The following ARHGEF3 variants were observed in gnomAD, a reference collection of about 807,000 sequenced individuals.
ARHGEF3 encodes Rho guanine nucleotide exchange factor 3, also known as 59.8 kDA protein.
A neutral mutation model predicts 63.2 loss-of-function variants in ARHGEF3; 28 were observed. The ratio of observed to expected loss-of-function variants is 0.44; its 90% CI spans 0.33 to 0.61. The LOEUF is 0.61. Ranked by LOEUF, ARHGEF3 falls within the 20% of genes least tolerant of loss-of-function variation. ARHGEF3 has a pLI of 0.03. For synonymous variants in ARHGEF3, 266 were observed against 254.2 expected, an observed-to-expected ratio of 1.05 and a Z score of -0.44; for missense variants, 533 against 659.3, an observed-to-expected ratio of 0.81 and a Z score of 2.10.
At chr3:56,991,979 T>A (rs1460333038) in intron 2 of ARHGEF3, among the ~76,000 whole-genome samples, 1 of 151,898 alleles carries the variant, frequency 6.6e-6, no homozygotes, top group Non-Finnish European at 1.5e-5. Context: ...ATAATATTTT[T>A]CCATAATTCA....
At chr3:56,961,152 G>GTAAA (rs1700262877) in intron 2 of ARHGEF3, among the ~76,000 whole-genome samples, 1 of 119,406 alleles carries the variant, frequency 8.4e-6, no homozygotes, top group Non-Finnish European at 1.9e-5. Context: ...ATGTTATAAT[G>GTAAA]TAAATACATG....
chr3:56,829,689 T>C (rs1410306386), intron 4 of ARHGEF3, among the ~76,000 whole-genome samples: 2 of 152,064 alleles, frequency 1.3e-5, no homozygotes, highest in South Asian at 2.1e-4. Flanking sequence ...CTTTAAATCT[T>C]TGGAATGCTG....
chr3:56,933,433 T>G (rs1332185982), intron 3 of ARHGEF3, among the ~76,000 whole-genome samples: 3 of 151,974 alleles, frequency 2.0e-5, no homozygotes, highest in African/African-American at 7.2e-5. Flanking sequence ...TTTTTAACTT[T>G]TTTTGAGACA....
At chr3:56,920,311 G>A (rs547247428) in intron 3 of ARHGEF3, among the ~76,000 whole-genome samples, 25 of 152,234 alleles carry the variant, frequency 1.6e-4, no homozygotes, top group African/African-American at 6.0e-4. Context: ...CTCTTGTTGG[G>A]CTCTAAAGAG....
chr3:56,772,066 G>C (rs1354652489), intron 2 of ARHGEF3, among the ~76,000 whole-genome samples: 2 of 152,200 alleles, frequency 1.3e-5, no homozygotes, highest in Non-Finnish European at 2.9e-5. Flanking sequence ...CCTTCATCTT[G>C]CTCTCCCAGA....
chr3:56,970,689 C>T (rs1459324476), intron 2 of ARHGEF3, among the ~76,000 whole-genome samples: 1 of 152,234 alleles, frequency 6.6e-6, no homozygotes, highest in Non-Finnish European at 1.5e-5. Flanking sequence ...TGTATTTTAG[C>T]TTCCTGCGAA....
intron 1 of ARHGEF3, among the ~76,000 whole-genome samples, chr3:56,774,576 A>G (rs1342404977): frequency 1.3e-5 from 2 of 152,174 alleles, no homozygotes; most frequent in African/African-American, 4.8e-5. Flanking sequence ...TACCCATTCC[A>G]AGGACTTTGC....
At chr3:56,824,795 G>T (rs2038650520) in intron 4 of ARHGEF3, among the ~76,000 whole-genome samples, 1 of 152,154 alleles carries the variant, frequency 6.6e-6, no homozygotes. Context: ...TGGAAACTGT[G>T]GGAAGGAATG....
At chr3:56,866,896 C>A (rs1436302111) in intron 4 of ARHGEF3, among the ~76,000 whole-genome samples, 1 of 152,224 alleles carries the variant, frequency 6.6e-6, no homozygotes, top group Non-Finnish European at 1.5e-5. Context: ...TCTTTCCATA[C>A]CAACTGAGTT....
At chr3:56,990,911 C>T (rs1345841475) in intron 2 of ARHGEF3, among the ~76,000 whole-genome samples, 2 of 152,124 alleles carry the variant, frequency 1.3e-5, no homozygotes, top group African/African-American at 2.4e-5. Flanking sequence ...GAGGGGTGAG[C>T]GTGAGATGAG....
At chr3:56,918,601 G>T (rs1177500469) in intron 3 of ARHGEF3, among the ~76,000 whole-genome samples, 3 of 152,176 alleles carry the variant, frequency 2.0e-5, no homozygotes, top group Non-Finnish European at 4.4e-5. Flanking sequence ...GCAAAAACAG[G>T]GCACGGCCGT....
At chr3:56,967,264 T>C (rs1700541130) in intron 2 of ARHGEF3, among the ~76,000 whole-genome samples, 5 of 127,984 alleles carry the variant, frequency 3.9e-5, no homozygotes. Context: ...TATACATACT[T>C]ATATATAATA....
chr3:56,938,169 A>G (rs138147296), intron 3 of ARHGEF3, among the ~76,000 whole-genome samples: 161 of 152,224 alleles, frequency 1.1e-3, no homozygotes, highest in African/African-American at 3.6e-3. Context: ...GTCATGCACA[A>G]AAAAGCTGGT....
rs558773030 is a variant in ARHGEF3 at position 57,039,613 on chromosome 3, G to C, written c.-27-4437C>G. Among the ~76,000 whole-genome samples the C allele has an allele frequency of 3.3e-5, 5 of 152,302 alleles. No homozygotes were observed. The East Asian group carries it at 9.6e-4, about 29-fold the overall frequency. On this transcript the variant is annotated intron_variant, in intron 1 of 12. Transcript: ENST00000338458. Reference sequence around the variant, plus strand: ...TGGGTCTACATGGCCTTGCAGGGCAGCATTCCTCCTGGACGTTCTAGAGGA... The same window carrying C: ...TGGGTCTACATGGCCTTGCAGGGCACCATTCCTCCTGGACGTTCTAGAGGA...
chr3:57,059,968 C>G (rs1213844786), intron 1 of ARHGEF3, among the ~76,000 whole-genome samples: 3 of 151,844 alleles, frequency 2.0e-5, no homozygotes, highest in African/African-American at 4.8e-5. Flanking sequence ...TGCACTCCAG[C>G]CTGGGCAACA....
chr3:57,010,083 C>T (rs939614355), intron 2 of ARHGEF3, among the ~76,000 whole-genome samples: 1 of 152,178 alleles, frequency 6.6e-6, no homozygotes, highest in Non-Finnish European at 1.5e-5. Flanking sequence ...TTTTAACATG[C>T]AGGCGCCACA....
intron 2 of ARHGEF3, among the ~76,000 whole-genome samples, chr3:56,961,226 T>C (rs1578959646): frequency 1.3e-5 from 2 of 152,244 alleles, no homozygotes; most frequent in African/African-American, 4.8e-5. Context: ...ATAATGGCAT[T>C]ACATACATTT....
intron 3 of ARHGEF3, among the ~76,000 whole-genome samples, chr3:56,885,761 T>C (rs191649944): frequency 3.9e-5 from 6 of 152,326 alleles, no homozygotes; most frequent in African/African-American, 7.2e-5. Flanking sequence ...CAATCTGGGA[T>C]AGAATGATCT....
Position 56,923,052 on chromosome 3 carries a change from AT to A in ARHGEF3, c.129+35770del, listed in dbSNP as rs1560053767. Among the ~76,000 whole-genome samples the A allele has an allele frequency of 8.6e-3, 207 of 24,184 alleles. 7 individuals carry two copies. The highest frequency in any genetic ancestry group is 0.013 in the African/African-American group (196 of 15,450). 15.9% of individuals were successfully genotyped at this position (24,184 alleles called of 152,430 possible). A position where few individuals can be genotyped will look rare whatever the true frequency, so the allele number is the denominator to read the frequency against. ...TATATATATATATATATATATATAT[AT>A]ATATATATATATATATATATATAAA... On this transcript the variant is annotated intron_variant, in intron 3 of 12. Coordinates refer to the ARHGEF3 transcript ENST00000338458.
Sources: gnomAD v4.1 joint callset for allele counts (sites outside exome capture counted in the v4.1 genomes callset) on GRCh38, gnomAD v4.1.1 for gene constraint, MANE v1.5 for transcripts, NCBI Gene and HGNC (gene_info 2026-07-23, HGNC 2026-07-21) for gene names.